The following ST7L variants were observed in gnomAD, a reference collection of about 807,000 sequenced individuals.
The protein encoded by ST7L is suppressor of tumorigenicity 7 protein-like.
A neutral mutation model predicts 72.5 loss-of-function variants in ST7L; 57 were observed. The ratio of observed to expected loss-of-function variants is 0.79; its 90% CI spans 0.64 to 0.98. ST7L has a LOEUF of 0.98. Among genes scored for constraint, ST7L ranks in the 50% least tolerant of loss-of-function variants. The pLI, the probability that ST7L is intolerant of heterozygous loss-of-function variation, is 0.00. For missense variants in ST7L, 576 were observed against 672.2 expected, an observed-to-expected ratio of 0.86 and a Z score of 1.58; for synonymous variants, 221 against 240.9, an observed-to-expected ratio of 0.92 and a Z score of 0.77.
chr1:112,599,527 C>CA (rs1558041437), intron 4 of ST7L, among the ~76,000 whole-genome samples: 1 of 152,100 alleles, frequency 6.6e-6, no homozygotes, highest in African/African-American at 2.4e-5. Flanking sequence ...TCATAAGTTT[C>CA]AAAAGATGTT....
At chr1:112,532,297 T>C (rs1254373826) in intron 14 of ST7L, among the ~76,000 whole-genome samples, 3 of 152,188 alleles carry the variant, frequency 2.0e-5, no homozygotes, top group Non-Finnish European at 4.4e-5. Flanking sequence ...AAACCAGCAA[T>C]GTATTTGCCT....
intron 2 of ST7L, among the ~76,000 whole-genome samples, chr1:112,615,887 A>C (rs567662472): frequency 6.6e-6 from 1 of 152,114 alleles, no homozygotes; most frequent in African/African-American, 2.4e-5. Flanking sequence ...CTACAGGCAC[A>C]TACCACCATA....
chr1:112,578,312 T>C (rs897678909), intron 10 of ST7L, 33 bp downstream of exon 10: 6 of 1,585,942 alleles, frequency 3.8e-6, no homozygotes, highest in Middle Eastern at 1.7e-4. Flanking sequence ...TTTAGCAGTC[T>C]TTCCAAATCA....
chr1:112,578,618 A>T (rs998349334), intron 9 of ST7L, among the ~76,000 whole-genome samples: 1 of 152,148 alleles, frequency 6.6e-6, no homozygotes, highest in Admixed American at 6.5e-5. Context: ...TATTAAAAAT[A>T]CAAAAATTTG....
chr1:112,584,073 T>C lies in ST7L; in HGVS notation c.755A>G (p.Asp252Gly). The change falls in exon 7 of 15, where the codon GAT becomes GGT. Residue 252 changes from aspartate (D) to glycine (G), a missense_variant. By Grantham distance (94) the Asp-to-Gly change is moderately conservative. Transcript: ENST00000358039. ...TGCCTGTTTAAATAACCTTTCAGCA[T>C]CTACAATAGTTGTTGCTTCTTCCTC... is the stretch of plus-strand genomic sequence containing the variant. ...LAEEEATTIV[D>G]AERLFKQALK... 6.2e-7 allele frequency: 1 copy of C among 1,614,138 alleles called. No individual in the cohort carries two copies. Among genetic ancestry groups the C allele is most frequent in the Non-Finnish European group, 8.5e-7 (1 of 1,180,006 alleles).
intron 14 of ST7L, chr1:112,539,081 C>T (rs1029013515): frequency 1.3e-5 from 2 of 152,196 alleles, no homozygotes; most frequent in Non-Finnish European, 2.9e-5. Context: ...GCAGCACTAT[C>T]GAGCTGTTCT....
At chr1:112,540,128 T>C in intron 14 of ST7L, 1 of 985,446 alleles carries the variant, frequency 1.0e-6, no homozygotes, top group Non-Finnish European at 1.2e-6. Context: ...ACATTAATTG[T>C]AGCTTGCACC....
intron 11 of ST7L, among the ~76,000 whole-genome samples, chr1:112,574,562 G>A (rs970907032): frequency 2.0e-5 from 3 of 151,568 alleles, no homozygotes; most frequent in Non-Finnish European, 4.4e-5. Flanking sequence ...GGGAGGCTGA[G>A]GCAGGAGAAT....
upstream of ST7L, chr1:112,619,414 C>A (rs541292738): frequency 2.8e-5 from 15 of 544,652 alleles, no homozygotes; most frequent in Non-Finnish European, 4.5e-5. Flanking sequence ...ACCGCCCCCC[C>A]CCCGGGGTTG....
intron 14 of ST7L, among the ~76,000 whole-genome samples, chr1:112,536,937 TG>T (rs1344367068): frequency 1.3e-5 from 2 of 152,142 alleles, no homozygotes; most frequent in African/African-American, 4.8e-5. Flanking sequence ...TACCTTTACC[TG>T]TAACACCCTT....
chr1:112,600,813 T>G lies in ST7L; in HGVS notation c.487A>C (p.Arg163=). The G allele has an allele frequency of 2.5e-6, 4 of 1,610,928 alleles. No individual in the cohort carries two copies. Among genetic ancestry groups the G allele is most frequent in the Non-Finnish European group, 3.4e-6 (4 of 1,178,272 alleles). ...KVWRNPLNLF[R]GAEYRRYTWV... ...TAATACCTCCTATATTCTGCTCCTCTGAAAAGATTTAGAGGGTTTCTCCAT... is the reference window on the plus strand; with the variant it reads ...TAATACCTCCTATATTCTGCTCCTCGGAAAAGATTTAGAGGGTTTCTCCAT... The change falls in exon 4 of 15, where the codon AGA becomes CGA. Residue 163 remains arginine (R), a synonymous_variant. Transcript: ENST00000358039.
intron 9 of ST7L, among the ~76,000 whole-genome samples, 186 bp from the exon 10 acceptor site, chr1:112,578,603 G>A (rs1053160865): frequency 1.1e-4 from 16 of 151,884 alleles, no homozygotes; most frequent in Admixed American, 5.9e-4. Context: ...GAGAAACCCC[G>A]TCTCTATTAA....
At chr1:112,571,711 C>A (rs904992959) in intron 11 of ST7L, among the ~76,000 whole-genome samples, 1 of 152,220 alleles carries the variant, frequency 6.6e-6, no homozygotes, top group African/African-American at 2.4e-5. Context: ...CAGGTGTGAG[C>A]CACCACGCCC....
chr1:112,571,042 T>C (rs1662026717), intron 11 of ST7L, among the ~76,000 whole-genome samples: 1 of 152,064 alleles, frequency 6.6e-6, no homozygotes, highest in Non-Finnish European at 1.5e-5. Flanking sequence ...TGGTGGCGCA[T>C]GCCTGCGGTC....
In ST7L at chr1:112,619,005, G is replaced by A; in HGVS notation, c.109C>T (p.Leu37=). Residue 37 remains leucine (L), a synonymous_variant, in exon 1 of 15, where the codon CTG becomes TTG. Transcript: ENST00000358039. ...LGWRERLRAG[L]AGTGASLWFV... is the part of the protein sequence containing the mutation. ...CACAACGAGGCCCCAGTCCCCGCCA[G>A]CCCGGCCCGCAGTCGCTCCCTCCAG... is the stretch of plus-strand genomic sequence containing the variant. 1 of 1,613,126 alleles carries A rather than the reference G, an allele frequency of 6.2e-7. No homozygotes were observed. The highest frequency in any genetic ancestry group is 8.5e-7 in the Non-Finnish European group (1 of 1,179,604).
chr1:112,546,975 T>C (rs1407049348), intron 13 of ST7L, among the ~76,000 whole-genome samples: 3 of 151,908 alleles, frequency 2.0e-5, no homozygotes, highest in Non-Finnish European at 4.4e-5. Context: ...CATATATATA[T>C]ACACATATAC....
At chr1:112,597,857 C>T (rs961076384) in intron 5 of ST7L, 114 bp downstream of exon 5, 10 of 613,256 alleles carry the variant, frequency 1.6e-5, no homozygotes, top group African/African-American at 1.9e-5. Context: ...ATAATATAAA[C>T]AACTCCAAGC....
In ST7L at chr1:112,577,026, G is replaced by C. The variant is rs1483304445; in HGVS notation, c.1205C>G (p.Ala402Gly). 1 of 1,610,166 alleles carries C rather than the reference G, an allele frequency of 6.2e-7. No homozygotes were observed. Among genetic ancestry groups the C allele is most frequent in the East Asian group, 2.2e-5 (1 of 44,796 alleles). ...ATTAAATTCCACAGCTCTATGAATT[G>C]CTTCCACGGCATTAATTTCTGCTGT... Reference protein sequence around the residue: ...LSTAEINAVEAIHRAVEFNPH... With the variant: ...LSTAEINAVEGIHRAVEFNPH... Residue 402 changes from alanine (A) to glycine (G), a missense_variant, in exon 11 of 15, where the codon GCA becomes GGA. Ala to Gly is a moderately conservative substitution (Grantham distance 60, BLOSUM62 0). Coordinates refer to ENST00000358039, the MANE Select transcript of ST7L (RefSeq NM_017744.5).
intron 11 of ST7L, among the ~76,000 whole-genome samples, chr1:112,568,548 G>C (rs1029008859): frequency 1.3e-5 from 2 of 150,800 alleles, no homozygotes; most frequent in African/African-American, 4.9e-5. Flanking sequence ...TGTTAGCCAG[G>C]ATGGTCTCGA....
Sources: allele counts gnomAD v4.1 joint callset (sites outside exome capture counted in the v4.1 genomes callset), GRCh38; gene constraint gnomAD v4.1.1; transcripts MANE v1.5; gene names NCBI Gene and HGNC (gene_info 2026-07-23, HGNC 2026-07-21).